Variants in SPATA3 observed in about 807,000 individuals in gnomAD.
SPATA3 encodes the protein spermatogenesis-associated protein 3.
In SPATA3, 6 loss-of-function variants were observed where a neutral mutation model predicts 5.7. The ratio of observed to expected loss-of-function variants is 1.06; its 90% confidence interval spans 0.58 to 2.09. The LOEUF (loss-of-function observed/expected upper bound fraction) is 2.09. SPATA3 is among the 30% of genes most tolerant of loss of function. The pLI is 0.00. For missense variants in SPATA3, 155 were observed against 130.4 expected (o/e 1.19, Z -0.92); for synonymous variants, 44 against 48.4 (o/e 0.91, Z 0.37).
At position 231,000,090 on chromosome 2, in the gene SPATA3, T is replaced by G. The variant is rs193221243; in HGVS notation, c.791-276T>G. ...TCATCATCGTTGTTGTCGTCGCTGT[T>G]GCTACTCCCAGGTAGCACCAGTATA... On this transcript the variant is annotated intron_variant, in intron 1 of 2. Transcript: ENST00000645363. Among the ~76,000 whole-genome samples, 574 of 152,282 alleles carry G rather than the reference T, an allele frequency of 3.8e-3. 17 individuals are homozygous for G. The highest frequency in any genetic ancestry group is 0.031 in the Admixed American group (468 of 15,294).
At chr2:231,002,951 C>T (rs1461246681), downstream of SPATA3, 16 of 443,854 alleles carry the variant, frequency 3.6e-5, no homozygotes, top group Admixed American at 8.2e-5. Flanking sequence ...GCCGGCATGG[C>T]CCTCTAGGGA....
At chr2:230,997,269 G>C (rs529396635) in intron 1 of SPATA3, among the ~76,000 whole-genome samples, 1 of 152,312 alleles carries the variant, frequency 6.6e-6, no homozygotes, top group South Asian at 2.1e-4. Flanking sequence ...TTTAAAAAAG[G>C]GAGTTTCCCT....
intron 1 of SPATA3, chr2:230,996,283 C>T (rs1314873636): frequency 6.5e-7 from 1 of 1,532,220 alleles, no homozygotes; most frequent in Non-Finnish European, 8.8e-7. Context: ...CACCGAGACT[C>T]CACCTCCCAG....
In SPATA3 at chr2:231,017,138, C is replaced by T. The variant is rs576060209; in HGVS notation, c.*566-2582C>T. ...GGTACTGCTCAAAGAATCCTGGCTA[C>T]GATATTAGTTAGACCCATTTACAGG... On this transcript the variant is annotated intron_variant, in intron 6 of 8. Coordinates refer to the SPATA3 transcript ENST00000452881. Among the ~76,000 whole-genome samples the T allele has an allele frequency of 7.9e-5, 12 of 152,290 alleles. No individual in the cohort carries two copies. The South Asian group carries it at 2.1e-3, about 26-fold the overall frequency.
chr2:231,019,329 C>CTTTT, intron 6 of SPATA3, among the ~76,000 whole-genome samples: 1 of 138,156 alleles, frequency 7.2e-6, no homozygotes, highest in South Asian at 2.3e-4. Flanking sequence ...TTCAATCTCA[C>CTTTT]TTTTTTTTTT....
At chr2:231,005,558 A>ATCG, downstream of SPATA3, among the ~76,000 whole-genome samples, 1 of 105,452 alleles carries the variant, frequency 9.5e-6, no homozygotes, top group Admixed American at 1.0e-4. Context: ...CACCACCACC[A>ATCG]TCATCACCAT....
At position 230,999,044 on chromosome 2, in the gene SPATA3, A is replaced by G. The variant is rs778591125; in HGVS notation, c.791-1322A>G. 3.9e-5 allele frequency among the ~76,000 whole-genome samples: 6 copies of G among 152,358 alleles called. No homozygotes were observed. The South Asian group carries it at 8.3e-4, about 21-fold the overall frequency. On this transcript the variant is annotated intron_variant, in intron 1 of 2. Transcript: ENST00000645363. Reference sequence around the variant, plus strand: ...AATGTGGTATGAAATACCACAGTACAATGAGTATGGTGAAATACTATTTGG... The same window carrying G: ...AATGTGGTATGAAATACCACAGTACGATGAGTATGGTGAAATACTATTTGG...
At chr2:231,002,066 C>T (rs899869813) in intron 2 of SPATA3, among the ~76,000 whole-genome samples, 21 of 152,170 alleles carry the variant, frequency 1.4e-4, no homozygotes, top group Non-Finnish European at 1.5e-4. Context: ...CCATATCTGG[C>T]CAGGGCAAGA....
At chr2:231,007,839 A>G (rs1692681656), downstream of SPATA3, among the ~76,000 whole-genome samples, 1 of 152,106 alleles carries the variant, frequency 6.6e-6, no homozygotes, top group Non-Finnish European at 1.5e-5. Context: ...CCAATAGGGG[A>G]GAGGAGTGTC....
At chr2:231,013,245 G>A (rs145999582) in intron 5 of SPATA3, among the ~76,000 whole-genome samples, 2 of 151,842 alleles carry the variant, frequency 1.3e-5, no homozygotes, top group African/African-American at 2.4e-5. Context: ...TTGCTGTCAC[G>A]ACAGACGCAT....
chr2:231,009,728 C>A (rs1328915474), downstream of SPATA3, among the ~76,000 whole-genome samples: 1 of 152,222 alleles, frequency 6.6e-6, no homozygotes, highest in African/African-American at 2.4e-5. Flanking sequence ...TTGACACATC[C>A]GCTACTCTGT....
intron 6 of SPATA3, among the ~76,000 whole-genome samples, chr2:231,018,195 G>A (rs1290603829): frequency 6.6e-6 from 1 of 152,114 alleles, no homozygotes; most frequent in Non-Finnish European, 1.5e-5. Flanking sequence ...AAAGTGCTGG[G>A]ACAACAGGCA....
Position 231,000,350 on chromosome 2 carries a change from C to T in SPATA3, c.791-16C>T, listed in dbSNP as rs1316123645. 3.2e-5 allele frequency: 47 copies of T among 1,459,774 alleles called. No homozygotes were observed. The East Asian group carries it at 1.2e-3, about 39-fold the overall frequency. The allele number at this position is 1,459,774 out of a possible 1,614,324, so 90.4% of individuals were successfully genotyped here. A position where few individuals can be genotyped will look rare whatever the true frequency, so the allele number is the denominator to read the frequency against. On this transcript the variant is annotated splice_polypyrimidine_tract_variant and intron_variant, in intron 1 of 2. Coordinates refer to ENST00000645363, the Ensembl canonical transcript of SPATA3. ...GGGCAGGTGCCTCCCTCACCTCTCT[C>T]CTTCTGTCCCCACAGGGCCTCTGAT...
At chr2:231,003,661 C>T (rs1692437453), downstream of SPATA3, among the ~76,000 whole-genome samples, 1 of 152,138 alleles carries the variant, frequency 6.6e-6, no homozygotes, top group Admixed American at 6.5e-5. Flanking sequence ...AGAGCAGCTC[C>T]CTTTGGGCTG....
chr2:231,005,416 CAT>C (rs1170836747), downstream of SPATA3, among the ~76,000 whole-genome samples: 1 of 108,192 alleles, frequency 9.2e-6, no homozygotes, highest in African/African-American at 3.6e-5. Flanking sequence ...CCAGTATCAG[CAT>C]CATCACCACC....
intron 1 of SPATA3, chr2:230,996,191 C>A (rs201354895): frequency 1.3e-6 from 2 of 1,518,776 alleles, no homozygotes; most frequent in Non-Finnish European, 1.8e-6. Context: ...CGGGAGATTA[C>A]GCAGCTCCAT....
downstream of SPATA3, among the ~76,000 whole-genome samples, chr2:231,008,661 C>G (rs574977846): frequency 6.6e-6 from 1 of 152,344 alleles, no homozygotes; most frequent in South Asian, 2.1e-4. Flanking sequence ...GTGGAAGGGA[C>G]TGGGGACTCC....
chr2:231,002,741 C>G, exon 3 of SPATA3: 2 of 1,532,768 alleles, frequency 1.3e-6, no homozygotes, highest in African/African-American at 2.8e-5. Context: ...GCCCTCGGAA[C>G]TGTGGCTGTG....
intron 1 of SPATA3, 82 bp downstream of exon 1, chr2:230,996,616 A>G: frequency 6.8e-7 from 1 of 1,467,064 alleles, no homozygotes. Context: ...TTCTTGTAGG[A>G]TAGTGATGCA....
Sources: gnomAD v4.1 joint callset for allele counts (sites outside exome capture counted in the v4.1 genomes callset) on GRCh38, gnomAD v4.1.1 for gene constraint, MANE v1.5 for transcripts, NCBI Gene and HGNC (gene_info 2026-07-23, HGNC 2026-07-21) for gene names.